Variants in GFPT2 observed in about 807,000 individuals in gnomAD.
The protein encoded by GFPT2 is glutamine--fructose-6-phosphate transaminase 2.
Under a neutral mutation model 85.6 loss-of-function variants are expected in GFPT2, and 62 were observed. The ratio of observed to expected loss-of-function variants is 0.72; its 90% CI spans 0.59 to 0.90. The LOEUF (loss-of-function observed/expected upper bound fraction) is 0.90. Among genes scored for constraint, GFPT2 ranks in the 40% least tolerant of loss-of-function variants. The pLI is 0.00. For missense variants in GFPT2, 788 were observed against 893.4 expected (o/e 0.88, Z 1.50); for synonymous variants, 368 against 344.5 (o/e 1.07, Z -0.75).
chr5:180,316,648 G>T (rs777277380), intron 12 of GFPT2, 116 bp downstream of exon 12: 1 of 907,682 alleles, frequency 1.1e-6, no homozygotes, highest in Non-Finnish European at 1.7e-6. Flanking sequence ...GCTAGCTCAT[G>T]GGAATGGGTA....
Position 180,301,468 on chromosome 5 carries a change from T to C in GFPT2, c.*96A>G. 9.5e-7 allele frequency: 1 copy of C among 1,055,180 alleles called. No individual in the cohort carries two copies. Among genetic ancestry groups the C allele is most frequent in the Non-Finnish European group, 1.5e-6 (1 of 673,240 alleles). The allele number at this position is 1,055,180 out of a possible 1,614,324, so 65.4% of individuals were successfully genotyped here. On this transcript the variant is annotated 3_prime_UTR_variant, in exon 19 of 19. Transcript: ENST00000253778. ...GCTCTACAGGAGCACGCAGAACATG[T>C]GGGATGTCCACTTCTCTTCCCATGT...
chr5:180,325,241 G>A (rs1172666563), intron 7 of GFPT2, among the ~76,000 whole-genome samples: 1 of 152,160 alleles, frequency 6.6e-6, no homozygotes, highest in Non-Finnish European at 1.5e-5. Context: ...AGGCGCTGGT[G>A]GGGCACAGGG....
At chr5:180,331,441 T>G (rs1764298345) in intron 5 of GFPT2, 54 bp downstream of exon 5, 2 of 1,056,158 alleles carry the variant, frequency 1.9e-6, no homozygotes, top group Non-Finnish European at 3.0e-6. Context: ...CTGGAAAGTT[T>G]CTGGGGAGAC....
chr5:180,316,364 A>C lies in GFPT2; in HGVS notation c.1250T>G (p.Val417Gly). 6.2e-7 allele frequency: 1 copy of C among 1,614,144 alleles called. No homozygotes were observed. Among genetic ancestry groups the C allele is most frequent in the African/African-American group, 1.3e-5 (1 of 75,046 alleles). Residue 417 changes from valine (V) to glycine (G), a missense_variant, in exon 13 of 19, where the codon GTT (valine) becomes GGT (glycine). Physicochemically the swap from Val to Gly is moderately radical, Grantham distance 109. Transcript: ENST00000253778. ...ACCTGACTGGCTGATGAAAAAGCAA[A>C]CGTCATCCCTGAACACAGGTGTGTT... ...DRNTPVFRDDVCFFISQSGET... is the reference protein window; with the variant it reads ...DRNTPVFRDDGCFFISQSGET...
In GFPT2 at chr5:180,328,184, C is replaced by G. The variant is rs1026729793; in HGVS notation, c.596+93G>C. On this transcript the variant is annotated intron_variant, in intron 7 of 18. Coordinates refer to ENST00000253778, the MANE Select transcript of GFPT2 (RefSeq NM_005110.4). This position sits in a 1 kb window ranked among gnomAD's most constrained non-coding sequence, Gnocchi z 5.4. ...TTTAGACACCACGAGCACCTTTCAG[C>G]GTGCCACAGGCCCTACCTCTCCCGT... 2.6e-5 allele frequency: 25 copies of G among 944,032 alleles called. 1 individual carries two copies. In the African/African-American group the frequency reaches 3.9e-4, roughly 15 times the overall value. 58.5% of individuals were successfully genotyped at this position (944,032 alleles called of 1,614,324 possible).
intron 15 of GFPT2, among the ~76,000 whole-genome samples, chr5:180,311,501 G>C (rs570118315): frequency 1.3e-5 from 2 of 152,374 alleles, no homozygotes; most frequent in South Asian, 4.1e-4. Flanking sequence ...CTGCTGCCCA[G>C]CAAACGGGGA....
At chr5:180,322,532 G>A (rs1056437168) in intron 9 of GFPT2, among the ~76,000 whole-genome samples, 1 of 152,146 alleles carries the variant, frequency 6.6e-6, no homozygotes, top group African/African-American at 2.4e-5. Flanking sequence ...CACGTGAGGT[G>A]ACACCTGAGA....
At position 180,313,979 on chromosome 5, in the gene GFPT2, C is replaced by T. The variant is rs984145521; in HGVS notation, c.1274-15G>A. On this transcript the variant is annotated splice_polypyrimidine_tract_variant and intron_variant, in intron 13 of 18. Transcript: ENST00000253778. Reference sequence around the variant, plus strand: ...CGCGGTCTCGCCTGCCGCCCAGGGGCCCTCTCAGTGCCGCGCTCCGCCAGC... The same window carrying T: ...CGCGGTCTCGCCTGCCGCCCAGGGGTCCTCTCAGTGCCGCGCTCCGCCAGC... 1.9e-6 allele frequency: 3 copies of T among 1,586,038 alleles called. No individual in the cohort carries two copies. Among genetic ancestry groups the T allele is most frequent in the African/African-American group, 1.3e-5 (1 of 74,468 alleles).
chr5:180,353,251 G>A lies in GFPT2; in HGVS notation c.-34C>T, dbSNP rs1764752994. 2 of 1,240,754 alleles carry A rather than the reference G, an allele frequency of 1.6e-6. No homozygotes were observed. The highest frequency in any genetic ancestry group is 1.6e-5 in the African/African-American group (1 of 64,366). The allele number at this position is 1,240,754 out of a possible 1,614,324, so 76.9% of individuals were successfully genotyped here. A position where few individuals can be genotyped will look rare whatever the true frequency, so the allele number is the denominator to read the frequency against. ...CTTCTCGGGCTCCTTCGCGGCTCGAGGGGGTCTGCCCGTTCGGACGCTGGG... is the reference window on the plus strand; with the variant it reads ...CTTCTCGGGCTCCTTCGCGGCTCGAAGGGGTCTGCCCGTTCGGACGCTGGG... On this transcript the variant is annotated 5_prime_UTR_variant, in exon 1 of 19. Coordinates refer to ENST00000253778, the MANE Select transcript of GFPT2 (RefSeq NM_005110.4).
chr5:180,312,951 G>A (rs11249702), intron 14 of GFPT2, among the ~76,000 whole-genome samples: 45,235 of 151,528 alleles, frequency 0.3, 6,886 homozygotes, highest in South Asian at 0.39. Context: ...TAATTTTTGT[G>A]TTTTTAGTAG....
At chr5:180,310,354 C>T (rs532109813) in intron 15 of GFPT2, among the ~76,000 whole-genome samples, 3 of 151,804 alleles carry the variant, frequency 2.0e-5, no homozygotes, top group African/African-American at 4.8e-5. Context: ...CTGCCCACCT[C>T]GGCCTCCCAA....
chr5:180,311,598 TG>T (rs879887102), intron 15 of GFPT2, among the ~76,000 whole-genome samples: 2 of 152,188 alleles, frequency 1.3e-5, no homozygotes, highest in Non-Finnish European at 2.9e-5. Flanking sequence ...GAGCACCTAC[TG>T]TATGCCTGCC....
chr5:180,302,688 C>A, intron 17 of GFPT2, 104 bp from the exon 18 acceptor site: 3 of 862,090 alleles, frequency 3.5e-6, no homozygotes, highest in East Asian at 2.5e-5. Context: ...GAGAACAGTC[C>A]TCTTTTGCAT....
chr5:180,305,948 A>G (rs1763767626), intron 16 of GFPT2, among the ~76,000 whole-genome samples: 1 of 151,416 alleles, frequency 6.6e-6, no homozygotes, highest in African/African-American at 2.4e-5. Context: ...AACCACTTGT[A>G]ACTGGCATTG....
chr5:180,330,227 C>G lies in GFPT2; in HGVS notation c.534+473G>C, dbSNP rs2127653740. 6.6e-6 allele frequency among the ~76,000 whole-genome samples: 1 copy of G among 152,276 alleles called. No individual in the cohort carries two copies. Among genetic ancestry groups the G allele is most frequent in the Admixed American group, 6.5e-5 (1 of 15,288 alleles). ...TCTCAGCTAACTCAGGAGGCTGAGG[C>G]AGGAGGACTGCCTGAACCTGGGAGG... is the stretch of plus-strand genomic sequence containing the variant. On this transcript the variant is annotated intron_variant, in intron 6 of 18. Coordinates refer to ENST00000253778, the MANE Select transcript of GFPT2 (RefSeq NM_005110.4). This position sits in a 1 kb window ranked among gnomAD's most constrained non-coding sequence, Gnocchi z 4.4.
At chr5:180,313,100 G>A (rs536958825) in intron 14 of GFPT2, among the ~76,000 whole-genome samples, 1 of 151,576 alleles carries the variant, frequency 6.6e-6, no homozygotes, top group African/African-American at 2.4e-5. Flanking sequence ...TGAAGGGACG[G>A]GGTTGCCCGG....
intron 1 of GFPT2, among the ~76,000 whole-genome samples, chr5:180,346,110 A>G (rs1764602848): frequency 6.6e-6 from 1 of 152,128 alleles, no homozygotes; most frequent in Non-Finnish European, 1.5e-5. Flanking sequence ...GGCTCCCCGC[A>G]TGCCAACCCT....
At chr5:180,304,640 C>T (rs936279094) in intron 17 of GFPT2, 132 bp downstream of exon 17, 10 of 833,124 alleles carry the variant, frequency 1.2e-5, no homozygotes, top group Admixed American at 1.0e-4. Flanking sequence ...ACAGGCGGCC[C>T]GGGGGAGGGT....
intron 1 of GFPT2, among the ~76,000 whole-genome samples, chr5:180,340,265 G>A (rs1421052657): frequency 6.6e-6 from 1 of 152,006 alleles, no homozygotes. Context: ...GGAGTGCAAT[G>A]GCACGATCTT....
Sources: allele counts gnomAD v4.1 joint callset (sites outside exome capture counted in the v4.1 genomes callset), GRCh38; gene constraint gnomAD v4.1.1; non-coding constraint Gnocchi (gnomAD v3.1); transcripts MANE v1.5; gene names NCBI Gene and HGNC (gene_info 2026-07-23, HGNC 2026-07-21).